GDPD5: variants seen among roughly 807,000 people sequenced by gnomAD.
The protein encoded by GDPD5 is glycerophosphodiester phosphodiesterase 2.
In GDPD5, 48 loss-of-function variants were observed where a neutral mutation model predicts 75.1. That is an observed-to-expected ratio of 0.64 (90% confidence interval 0.51 to 0.81). The LOEUF (loss-of-function observed/expected upper bound fraction) is 0.81, where lower values mean the gene tolerates loss of function less well. Ranked by LOEUF, GDPD5 falls within the 40% of genes least tolerant of loss-of-function variation. The pLI is 0.00. For synonymous variants in GDPD5, 336 were observed against 339.0 expected (o/e 0.99, Z 0.10); for missense variants, 706 against 822.6 (o/e 0.86, Z 1.73).
chr11:75,457,577 T>C (rs1443059209), intron 5 of GDPD5, 116 bp downstream of exon 5: 1 of 697,250 alleles, frequency 1.4e-6, no homozygotes, highest in East Asian at 2.6e-5. Context: ...ACAATATTCC[T>C]ACAAATACAG....
At chr11:75,443,392 G>T in intron 10 of GDPD5, 106 bp from the exon 11 acceptor site, 2 of 1,339,362 alleles carry the variant, frequency 1.5e-6, no homozygotes, top group Non-Finnish European at 2.0e-6. Flanking sequence ...CAGGATCCCG[G>T]CTGGCTCTGC....
chr11:75,436,883 G>T (rs766776502), intron 16 of GDPD5, 53 bp downstream of exon 16: 2 of 1,316,364 alleles, frequency 1.5e-6, no homozygotes, highest in South Asian at 1.2e-5. Context: ...GCATGTGGGG[G>T]TGCAGAAAGC....
chr11:75,474,939 C>T (rs905090729), intron 3 of GDPD5, among the ~76,000 whole-genome samples: 10 of 152,242 alleles, frequency 6.6e-5, no homozygotes, highest in African/African-American at 2.4e-4. Context: ...TCAACACACG[C>T]TATCTTCCCT....
chr11:75,457,704 C>T lies in GDPD5; in HGVS notation c.304G>A (p.Ala102Thr), dbSNP rs537284169. 6.4e-5 allele frequency: 104 copies of T among 1,614,014 alleles called. No homozygotes were observed. The South Asian group carries it at 9.8e-4, about 15-fold the overall frequency. The stretch of plus-strand genomic sequence containing the variant: ...ACAGCCCCATGTACCAGGAGGCCAG[C>T]GATGTATGCGAAGGCAGCAGCTGTG... ...VTTAAAFAYI[A>T]GLLVLALCHI... The change falls in exon 5 of 17, where the codon GCT becomes ACT. Residue 102 changes from alanine to threonine, a missense_variant. Transcript: ENST00000336898.
chr11:75,456,897 A>T, intron 5 of GDPD5, 81 bp from the exon 6 acceptor site: 1 of 1,391,146 alleles, frequency 7.2e-7, no homozygotes, highest in South Asian at 1.2e-5. Flanking sequence ...CCTGCTCCCC[A>T]CTGCGGCTCT....
intron 1 of GDPD5, chr11:75,507,198 T>A (rs1430080955): frequency 6.6e-6 from 1 of 152,134 alleles, no homozygotes; most frequent in Non-Finnish European, 1.5e-5. Context: ...GTCTGCTCTG[T>A]GCCAGCAGGG....
At chr11:75,456,615 G>A (rs563197488) in intron 6 of GDPD5, 142 bp downstream of exon 6, 63 of 728,112 alleles carry the variant, frequency 8.7e-5, no homozygotes, top group South Asian at 4.5e-4. Flanking sequence ...AGTGCTTGGC[G>A]CATAGTGAGT....
At chr11:75,459,843 C>A (rs553433453) in intron 4 of GDPD5, among the ~76,000 whole-genome samples, 1 of 151,734 alleles carries the variant, frequency 6.6e-6, no homozygotes, top group Non-Finnish European at 1.5e-5. Flanking sequence ...CTACTCACAT[C>A]CTCCTTGTAC....
intron 15 of GDPD5, among the ~76,000 whole-genome samples, 154 bp downstream of exon 15, chr11:75,439,725 G>A (rs1166512824): frequency 6.6e-6 from 1 of 152,144 alleles, no homozygotes; most frequent in Non-Finnish European, 1.5e-5. Context: ...CTCTGTCTGA[G>A]GGAGGATGGG....
chr11:75,465,215 G>T (rs1949491051), intron 3 of GDPD5, among the ~76,000 whole-genome samples: 1 of 152,216 alleles, frequency 6.6e-6, no homozygotes, highest in African/African-American at 2.4e-5. Flanking sequence ...GCCCAGGCCA[G>T]CTCTGTGCTT....
intron 16 of GDPD5, among the ~76,000 whole-genome samples, chr11:75,435,975 C>A (rs1015225852): frequency 2.6e-5 from 4 of 152,178 alleles, no homozygotes; most frequent in Admixed American, 1.3e-4. Flanking sequence ...ACTGCCCCAA[C>A]AACACCTCCT....
At chr11:75,521,865 G>C (rs1941471377) in intron 1 of GDPD5, among the ~76,000 whole-genome samples, 2 of 152,174 alleles carry the variant, frequency 1.3e-5, no homozygotes, top group African/African-American at 4.8e-5. Flanking sequence ...AGAGCAATGA[G>C]CCAGAAGGCC....
chr11:75,498,503 C>CCT (rs1397543560), intron 1 of GDPD5, among the ~76,000 whole-genome samples: 1 of 139,646 alleles, frequency 7.2e-6, no homozygotes, highest in African/African-American at 2.6e-5. Flanking sequence ...GTCCCACCTC[C>CCT]TACTCGTCAC....
chr11:75,465,025 C>T (rs1949487678), intron 3 of GDPD5, among the ~76,000 whole-genome samples: 1 of 152,208 alleles, frequency 6.6e-6, no homozygotes. Context: ...CTTATTTGCT[C>T]ATAACAGCCT....
In GDPD5 at chr11:75,457,735, A is replaced by C. The variant is rs1226412245; in HGVS notation, c.273T>G (p.Leu91=). Residue 91 remains leucine, a synonymous_variant, in exon 5 of 17, where the codon CTT becomes CTG. Coordinates refer to ENST00000336898, the MANE Select transcript of GDPD5 (RefSeq NM_030792.8). ...ATGCGAAGGCAGCAGCTGTGGTCAC[A>C]AGGATGGGTACGGGCCAGTCGCTCC... ...GYWSDWPVPI[L]VTTAAAFAYI... 1 of 1,614,038 alleles carries C rather than the reference A, an allele frequency of 6.2e-7. No individual in the cohort carries two copies. The highest frequency in any genetic ancestry group is 1.3e-5 in the African/African-American group (1 of 74,948).
chr11:75,517,112 T>C (rs1384985701), intron 1 of GDPD5, among the ~76,000 whole-genome samples: 1 of 152,142 alleles, frequency 6.6e-6, no homozygotes, highest in Admixed American at 6.6e-5. Context: ...TGGAGGTTGC[T>C]AGGTGGAAGT....
intron 1 of GDPD5, among the ~76,000 whole-genome samples, chr11:75,519,463 T>C (rs1353790169): frequency 6.6e-6 from 1 of 152,200 alleles, no homozygotes; most frequent in African/African-American, 2.4e-5. Context: ...CTGGGATTCA[T>C]TCCAAACGCC....
At chr11:75,488,158 G>A (rs1015642952) in intron 2 of GDPD5, among the ~76,000 whole-genome samples, 6 of 152,198 alleles carry the variant, frequency 3.9e-5, no homozygotes, top group Middle Eastern at 6.8e-3. Flanking sequence ...GGAGGGCTGA[G>A]TAGTTTTCTC....
intron 4 of GDPD5, 109 bp from the exon 5 acceptor site, chr11:75,457,895 C>G: frequency 1.3e-6 from 1 of 763,504 alleles, no homozygotes; most frequent in Non-Finnish European, 2.2e-6. Context: ...GCTCAGTGAC[C>G]AGGCTGTGCC....
Sources: gnomAD v4.1 joint callset for allele counts (sites outside exome capture counted in the v4.1 genomes callset) on GRCh38, gnomAD v4.1.1 for gene constraint, MANE v1.5 for transcripts, NCBI Gene and HGNC (gene_info 2026-07-23, HGNC 2026-07-21) for gene names.